The following RARB variants were observed in gnomAD, a reference collection of about 807,000 sequenced individuals.
RARB encodes retinoic acid receptor beta, also known as HBV-activated protein.
In RARB, 17 loss-of-function variants were observed where a neutral mutation model predicts 51.9. That is an observed-to-expected ratio of 0.33 (90% CI 0.22 to 0.49). The LOEUF (loss-of-function observed/expected upper bound fraction) is 0.49, where lower values mean the gene tolerates loss of function less well. RARB is among the 20% of genes least tolerant of loss of function. RARB has a pLI of 0.99. For missense variants in RARB, 369 were observed against 550.8 expected (o/e 0.67, Z 3.30); for synonymous variants, 215 against 195.4 (o/e 1.10, Z -0.84).
intron 2 of RARB, among the ~76,000 whole-genome samples, chr3:24,896,809 C>T (rs1177291888): frequency 3.3e-5 from 5 of 152,124 alleles, no homozygotes; most frequent in African/African-American, 2.4e-5. Context: ...GCAGTATAGT[C>T]TCCTACAATG....
chr3:25,306,684 G>A (rs753996252), intron 5 of RARB, among the ~76,000 whole-genome samples: 2 of 152,198 alleles, frequency 1.3e-5, no homozygotes, highest in Admixed American at 6.5e-5. Context: ...TGTGAAGTTC[G>A]CATGTCATTT....
intron 4 of RARB, among the ~76,000 whole-genome samples, chr3:25,172,156 T>C (rs986741155): frequency 1.3e-5 from 2 of 152,162 alleles, no homozygotes; most frequent in African/African-American, 4.8e-5. Flanking sequence ...GTTTTTAATA[T>C]TAATAGGCCA....
intron 2 of RARB, among the ~76,000 whole-genome samples, chr3:24,985,449 A>G (rs1299796430): frequency 6.6e-6 from 1 of 151,650 alleles, no homozygotes; most frequent in Admixed American, 6.6e-5. Flanking sequence ...ACGTCAAGGG[A>G]AAAAACAGAC....
At chr3:25,025,717 C>A (rs142738385) in intron 2 of RARB, among the ~76,000 whole-genome samples, 271 of 152,164 alleles carry the variant, frequency 1.8e-3, no homozygotes, top group African/African-American at 6.3e-3. Context: ...CTGGGTTTCC[C>A]AAAGTTCTTA....
chr3:25,234,593 A>G (rs1252460963), intron 5 of RARB, among the ~76,000 whole-genome samples: 2 of 151,816 alleles, frequency 1.3e-5, no homozygotes, highest in African/African-American at 2.4e-5. Context: ...ACCTGTGTCA[A>G]TTTATAATAC....
chr3:25,152,380 T>A (rs1211093188), intron 4 of RARB, among the ~76,000 whole-genome samples: 1 of 152,192 alleles, frequency 6.6e-6, no homozygotes, highest in Non-Finnish European at 1.5e-5. Flanking sequence ...AGGTTAGCAG[T>A]TGGTACTTTC....
chr3:25,050,234 C>A (rs1698299864), intron 2 of RARB, among the ~76,000 whole-genome samples: 1 of 152,066 alleles, frequency 6.6e-6, no homozygotes, highest in African/African-American at 2.4e-5. Context: ...CCTTGACTCC[C>A]AGGCTGTGGC....
At chr3:25,029,953 G>A (rs1246440038) in intron 2 of RARB, among the ~76,000 whole-genome samples, 1 of 152,094 alleles carries the variant, frequency 6.6e-6, no homozygotes, top group African/African-American at 2.4e-5. Flanking sequence ...ACTGAATTTG[G>A]GGACGTATGG....
chr3:25,335,259 C>CA (rs1705030318), intron 5 of RARB, among the ~76,000 whole-genome samples: 1 of 142,782 alleles, frequency 7.0e-6, no homozygotes, highest in Admixed American at 6.8e-5. Flanking sequence ...TTATCACTCT[C>CA]TTATGTCTCT....
chr3:24,919,641 A>G (rs1252702739), intron 2 of RARB, among the ~76,000 whole-genome samples: 2 of 152,218 alleles, frequency 1.3e-5, no homozygotes, highest in Non-Finnish European at 2.9e-5. Flanking sequence ...TCTTTGCTCA[A>G]TTAAACTGTT....
At chr3:25,366,721 T>C (rs1313673109) in intron 5 of RARB, among the ~76,000 whole-genome samples, 5 of 152,268 alleles carry the variant, frequency 3.3e-5, no homozygotes, top group Admixed American at 1.3e-4. Context: ...ATTGCCTACA[T>C]GTTCTGGGTC....
At chr3:24,852,882 G>A (rs1702578283) in intron 1 of RARB, among the ~76,000 whole-genome samples, 1 of 152,156 alleles carries the variant, frequency 6.6e-6, no homozygotes, top group South Asian at 2.1e-4. Flanking sequence ...TTTTTGGGGG[G>A]TTGTGGTGAT....
intron 2 of RARB, among the ~76,000 whole-genome samples, chr3:24,911,863 C>T: frequency 6.6e-6 from 1 of 152,130 alleles, no homozygotes; most frequent in Admixed American, 6.5e-5. Context: ...TTTCTATAGA[C>T]TTCACTAGAT....
chr3:25,421,090 C>G (rs377423597), intron 5 of RARB, among the ~76,000 whole-genome samples: 1 of 150,934 alleles, frequency 6.6e-6, no homozygotes, highest in African/African-American at 2.4e-5. Flanking sequence ...ATTTCATGGT[C>G]ATTCTGACTC....
At chr3:25,101,535 C>T (rs149612801) in intron 3 of RARB, among the ~76,000 whole-genome samples, 3,151 of 151,664 alleles carry the variant, frequency 0.021, 51 homozygotes, top group Non-Finnish European at 0.034. Context: ...GAAACTTTTC[C>T]ATATCATTAT....
chr3:25,270,712 G>A (rs1439966673), intron 5 of RARB, among the ~76,000 whole-genome samples: 4 of 152,126 alleles, frequency 2.6e-5, no homozygotes, highest in African/African-American at 7.2e-5. Flanking sequence ...ATGTTCTCAC[G>A]GTATCCCTTG....
chr3:25,587,662 T>C (rs1162073501), intron 5 of RARB, among the ~76,000 whole-genome samples: 1 of 152,170 alleles, frequency 6.6e-6, no homozygotes, highest in Admixed American at 6.6e-5. Context: ...GGGGAAAACA[T>C]TTTGTTCCCA....
At chr3:25,387,078 T>C (rs983240267) in intron 5 of RARB, among the ~76,000 whole-genome samples, 1 of 152,186 alleles carries the variant, frequency 6.6e-6, no homozygotes, top group South Asian at 2.1e-4. Flanking sequence ...TAGAAATGCA[T>C]CTGTTAGCAA....
intron 5 of RARB, among the ~76,000 whole-genome samples, chr3:25,291,032 C>T (rs890948690): frequency 1.3e-5 from 2 of 152,176 alleles, no homozygotes; most frequent in Non-Finnish European, 2.9e-5. Context: ...AAATTTTGCC[C>T]TACAACAGAT....
Sources: gnomAD v4.1 joint callset for allele counts (sites outside exome capture counted in the v4.1 genomes callset) on GRCh38, gnomAD v4.1.1 for gene constraint, MANE v1.5 for transcripts, NCBI Gene and HGNC (gene_info 2026-07-23, HGNC 2026-07-21) for gene names.